Variants in GAREM1 observed in about 807,000 individuals in gnomAD.
GAREM1 encodes GRB2-associated and regulator of MAPK protein 1.
GAREM1 carries 26 observed loss-of-function variants against 71.3 expected under a neutral mutation model. The observed-to-expected ratio is 0.36, with a 90% CI of 0.27 to 0.51. The LOEUF (loss-of-function observed/expected upper bound fraction) is 0.51. Among genes scored for constraint, GAREM1 ranks in the 20% least tolerant of loss-of-function variants. The pLI is 0.95. For synonymous variants in GAREM1, 440 were observed against 433.2 expected, an observed-to-expected ratio of 1.02 and a Z score of -0.20; for missense variants, 1,026 against 1,103.1, an observed-to-expected ratio of 0.93 and a Z score of 0.99.
intron 2 of GAREM1, among the ~76,000 whole-genome samples, chr18:32,338,629 G>C (rs1003599914): frequency 1.3e-5 from 2 of 152,210 alleles, no homozygotes; most frequent in Non-Finnish European, 2.9e-5. Context: ...TTAAGGTCTT[G>C]AAATTTTGGA....
At chr18:32,290,764 C>G (rs953752296) in intron 3 of GAREM1, among the ~76,000 whole-genome samples, 1 of 151,960 alleles carries the variant, frequency 6.6e-6, no homozygotes, top group Non-Finnish European at 1.5e-5. Context: ...AGAGAAATGC[C>G]AATTAAAATT....
At position 32,287,553 on chromosome 18, in the gene GAREM1, G is replaced by A. The variant is rs376929908; in HGVS notation, c.1044C>T (p.Thr348=). ...EYSRAVRDVK[T]DWNEECKSPK... is the part of the protein sequence containing the mutation. ...GGCTCTTGCATTCTTCATTCCAGTC[G>A]GTTTTCACATCACGGACAGCCCGTG... Residue 348 remains threonine, a synonymous_variant, in exon 4 of 6, where the codon ACC becomes ACT. Coordinates refer to ENST00000269209, the MANE Select transcript of GAREM1 (RefSeq NM_001242409.2). The surrounding 1 kb of genome is among the most constrained non-coding windows in gnomAD (Gnocchi z 5.9). 173 of 1,614,012 alleles carry A rather than the reference G, an allele frequency of 1.1e-4. No individual in the cohort carries two copies. The highest frequency in any genetic ancestry group is 1.4e-4 in the South Asian group (13 of 91,086).
intron 4 of GAREM1, among the ~76,000 whole-genome samples, chr18:32,280,407 G>A (rs1238575061): frequency 6.6e-6 from 1 of 152,190 alleles, no homozygotes; most frequent in East Asian, 1.9e-4. Context: ...CCGAGGAAGG[G>A]AGTCAGTTAT....
rs541098512 is a variant in GAREM1, at chr18:32,310,242, G to A, written c.344C>T (p.Ala115Val). Residue 115 changes from alanine (A) to valine (V), a missense_variant, in exon 3 of 6, where the codon GCA (alanine) becomes GTA (valine). Around this residue, in one of 3 missense-constraint regions of GAREM1, gnomAD observed 172 missense variants for 175.2 expected, o/e 0.98. Coordinates refer to ENST00000269209, the MANE Select transcript of GAREM1 (RefSeq NM_001242409.2). ...YFNSVEEVAK[A>V]FPERVYVMED... ...CATGACGTACACGCGTTCAGGAAAT[G>A]CCTTAGCCACCTCCTCCACACTGTT... The A allele has an allele frequency of 4.1e-5, 66 of 1,614,060 alleles. No homozygotes were observed. The African/African-American group carries it at 6.3e-4, about 15-fold the overall frequency.
At chr18:32,303,172 A>T (rs748403679) in intron 3 of GAREM1, among the ~76,000 whole-genome samples, 9 of 152,234 alleles carry the variant, frequency 5.9e-5, no homozygotes, top group Non-Finnish European at 1.0e-4. Flanking sequence ...AGCTGAAAGT[A>T]TGGATCTCAC....
At chr18:32,288,818 G>C (rs1456060810) in intron 3 of GAREM1, among the ~76,000 whole-genome samples, 1 of 152,000 alleles carries the variant, frequency 6.6e-6, no homozygotes, top group Non-Finnish European at 1.5e-5. Context: ...ACACAATTCT[G>C]TTACCTGAGT....
At chr18:32,337,190 T>C (rs898179625) in intron 2 of GAREM1, among the ~76,000 whole-genome samples, 13 of 152,200 alleles carry the variant, frequency 8.5e-5, no homozygotes, top group African/African-American at 3.1e-4. Flanking sequence ...CTGGAAAATA[T>C]TTACTTTTTA....
At chr18:32,377,312 T>C (rs370763371) in intron 2 of GAREM1, among the ~76,000 whole-genome samples, 1 of 152,202 alleles carries the variant, frequency 6.6e-6, no homozygotes, top group African/African-American at 2.4e-5. Context: ...GGGGATGAAC[T>C]TGAGTCTCCG....
chr18:32,282,698 C>T (rs973726226), intron 4 of GAREM1, among the ~76,000 whole-genome samples: 12 of 152,168 alleles, frequency 7.9e-5, no homozygotes, highest in Admixed American at 7.2e-4. Flanking sequence ...GTGTGAGCCA[C>T]GGTGCCAGGC....
At chr18:32,435,650 T>C (rs1428297620) in intron 1 of GAREM1, among the ~76,000 whole-genome samples, 1 of 152,098 alleles carries the variant, frequency 6.6e-6, no homozygotes, top group Non-Finnish European at 1.5e-5. Context: ...GAATAAAAAT[T>C]AGGGTTTTAG....
chr18:32,447,838 G>A (rs1000719549), intron 1 of GAREM1, among the ~76,000 whole-genome samples: 3 of 152,150 alleles, frequency 2.0e-5, no homozygotes, highest in African/African-American at 7.2e-5. Context: ...ATTAAAAGAT[G>A]TGCCATGGAT....
At chr18:32,331,998 T>G (rs2047539788) in intron 2 of GAREM1, among the ~76,000 whole-genome samples, 1 of 150,722 alleles carries the variant, frequency 6.6e-6, no homozygotes, top group African/African-American at 2.4e-5. Context: ...ATCACAGAAC[T>G]GACTGTGTCC....
chr18:32,354,711 G>A (rs1433557652), intron 2 of GAREM1, among the ~76,000 whole-genome samples: 2 of 152,210 alleles, frequency 1.3e-5, no homozygotes, highest in African/African-American at 2.4e-5. Context: ...CGGTGTGGCT[G>A]AGGTCATGAA....
At position 32,345,519 on chromosome 18, in the gene GAREM1, T is replaced by TA. The variant is rs573356090; in HGVS notation, c.263-35197dup. Among the ~76,000 whole-genome samples, 106 of 151,986 alleles carry TA rather than the reference T, an allele frequency of 7.0e-4. 1 individual carries two copies. Among genetic ancestry groups the TA allele is most frequent in the African/African-American group, 2.0e-3 (85 of 41,466 alleles). ...CCTGCACCAAGTTCTTCAAGTAGAG[T>TA]AAAAAAATAGGAAAACTTTAAAGAA... On this transcript the variant is annotated intron_variant, in intron 2 of 5. Coordinates refer to ENST00000269209, the MANE Select transcript of GAREM1 (RefSeq NM_001242409.2).
At chr18:32,352,350 TG>T (rs767434369) in intron 2 of GAREM1, among the ~76,000 whole-genome samples, 7 of 152,188 alleles carry the variant, frequency 4.6e-5, no homozygotes, top group African/African-American at 9.7e-5. Flanking sequence ...CAGCGACACC[TG>T]GGGCGGCAAG....
chr18:32,396,513 A>G (rs927406673), intron 1 of GAREM1, among the ~76,000 whole-genome samples: 2 of 152,230 alleles, frequency 1.3e-5, no homozygotes, highest in Admixed American at 6.5e-5. Flanking sequence ...ACGAATGCAC[A>G]AGCTTCAGTA....
chr18:32,314,843 T>A (rs1202037470), intron 2 of GAREM1, among the ~76,000 whole-genome samples: 1 of 152,098 alleles, frequency 6.6e-6, no homozygotes, highest in Non-Finnish European at 1.5e-5. Context: ...TGCCTCAGCC[T>A]CCCAAAGTGC....
intron 1 of GAREM1, among the ~76,000 whole-genome samples, chr18:32,414,844 T>C (rs776716393): frequency 6.6e-6 from 1 of 151,506 alleles, no homozygotes; most frequent in African/African-American, 2.4e-5. Context: ...AAAATTAGTA[T>C]AAGAAATAAA....
chr18:32,291,412 T>C (rs1238318950), intron 3 of GAREM1, among the ~76,000 whole-genome samples: 1 of 151,668 alleles, frequency 6.6e-6, no homozygotes, highest in African/African-American at 2.4e-5. Flanking sequence ...GAGGAAATGA[T>C]ACCTTTCTGA....
Sources: gnomAD v4.1 joint callset for allele counts (sites outside exome capture counted in the v4.1 genomes callset) on GRCh38, gnomAD v4.1.1 for gene constraint, gnomAD v4.1.1 regional missense constraint, Gnocchi (gnomAD v3.1) non-coding constraint, MANE v1.5 for transcripts, NCBI Gene and HGNC (gene_info 2026-07-23, HGNC 2026-07-21) for gene names.